The following FGF13 variants were observed in gnomAD, a reference collection of about 807,000 sequenced individuals.
FGF13 encodes fibroblast growth factor homologous factor 2.
A neutral mutation model predicts 19.5 loss-of-function variants in FGF13; 2 were observed. The ratio of observed to expected loss-of-function variants is 0.10; its 90% CI spans 0.04 to 0.32. FGF13 has a LOEUF of 0.32. Ranked by LOEUF, FGF13 falls within the 10% of genes least tolerant of loss-of-function variation. The probability of loss-of-function intolerance (pLI) is 1.00; values close to 1 mark genes in which losing one functional copy is unlikely to be tolerated. For missense variants in FGF13, 113 were observed against 192.7 expected (o/e 0.59, Z 2.45); for synonymous variants, 72 against 76.9 (o/e 0.94, Z 0.33).
intron 1 of FGF13, among the ~76,000 whole-genome samples, chrX:139,197,850 G>A (rs1037239632): frequency 8.3e-5 from 9 of 108,608 alleles, no homozygotes; most frequent in East Asian, 2.9e-4. Context: ...AAAATTGGCC[G>A]GGCGGTGGTG....
At chrX:138,828,836 T>A (rs182760687) in intron 3 of FGF13, among the ~76,000 whole-genome samples, 1 of 110,578 alleles carries the variant, frequency 9.0e-6, no homozygotes, top group Non-Finnish European at 1.9e-5. Context: ...TTCAGAAACA[T>A]GTATTGGGCA....
chrX:138,635,132 G>A (rs1426869401), intron 4 of FGF13, among the ~76,000 whole-genome samples: 1 of 112,189 alleles, frequency 8.9e-6, no homozygotes, highest in Non-Finnish European at 1.9e-5. Flanking sequence ...TCGAAGTGAG[G>A]TAACTCAGGA....
At chrX:138,635,349 T>C in intron 4 of FGF13, 108 bp downstream of exon 4, 1 of 764,810 alleles carries the variant, frequency 1.3e-6, no homozygotes, top group Non-Finnish European at 1.9e-6. Context: ...ACTAAATAGC[T>C]TGTCTATGTA....
At chrX:138,696,796 C>T (rs769557453) in intron 3 of FGF13, among the ~76,000 whole-genome samples, 96 of 112,022 alleles carry the variant, frequency 8.6e-4, no homozygotes, top group African/African-American at 3.1e-3. Flanking sequence ...GTAGCAAATG[C>T]TGCATCTTGG....
intron 3 of FGF13, among the ~76,000 whole-genome samples, chrX:138,768,897 G>A (rs1325716595): frequency 1.8e-5 from 2 of 108,736 alleles, no homozygotes; most frequent in Admixed American, 2.0e-4. Flanking sequence ...GAGCCTCTGA[G>A]GGAAGAGTGG....
chrX:138,697,246 T>A (rs1364764529), intron 3 of FGF13, among the ~76,000 whole-genome samples: 3 of 111,655 alleles, frequency 2.7e-5, no homozygotes, highest in Non-Finnish European at 5.6e-5. Flanking sequence ...AAGGAGATTG[T>A]ATTATGAGAT....
At chrX:138,908,657 T>C (rs996467156) in intron 1 of FGF13, among the ~76,000 whole-genome samples, 3 of 111,431 alleles carry the variant, frequency 2.7e-5, no homozygotes, top group African/African-American at 9.8e-5. Context: ...AGCTGAGACA[T>C]TACTACTTCT....
intron 1 of FGF13, among the ~76,000 whole-genome samples, chrX:139,111,191 T>A (rs1451598218): frequency 8.9e-6 from 1 of 111,997 alleles, no homozygotes; most frequent in Non-Finnish European, 1.9e-5. Flanking sequence ...AGATCAGGTA[T>A]ATGCAGCATA....
chrX:139,028,665 A>AGTGTGTG (rs2092212753), intron 1 of FGF13, among the ~76,000 whole-genome samples: 2 of 26,028 alleles, frequency 7.7e-5, no homozygotes, highest in African/African-American at 2.5e-4. Context: ...GAGAGAGAGA[A>AGTGTGTG]AGAGAGAGTG....
intron 1 of FGF13, among the ~76,000 whole-genome samples, chrX:139,166,069 G>A (rs2084082009): frequency 9.0e-6 from 1 of 111,521 alleles, no homozygotes; most frequent in Admixed American, 9.5e-5. Context: ...CTGTTGGAAG[G>A]GCATGATTGT....
intron 1 of FGF13, among the ~76,000 whole-genome samples, chrX:138,902,361 G>C (rs2091535673): frequency 8.9e-6 from 1 of 111,848 alleles, no homozygotes; most frequent in South Asian, 3.7e-4. Flanking sequence ...TGAAAACAAA[G>C]TGAGGGTATA....
At chrX:138,776,490 G>A (rs1474246907) in intron 3 of FGF13, among the ~76,000 whole-genome samples, 1 of 111,803 alleles carries the variant, frequency 8.9e-6, no homozygotes, top group African/African-American at 3.3e-5. Context: ...TTTCCATTTT[G>A]TGGGAAACTG....
intron 3 of FGF13, among the ~76,000 whole-genome samples, chrX:138,746,081 A>G (rs904777030): frequency 1.3e-4 from 15 of 112,047 alleles, no homozygotes; most frequent in African/African-American, 4.9e-4. Flanking sequence ...GTTGTTTGGC[A>G]TGTCCACAGA....
chrX:138,760,459 G>C (rs374499747), intron 3 of FGF13, among the ~76,000 whole-genome samples: 1 of 111,926 alleles, frequency 8.9e-6, no homozygotes, highest in African/African-American at 3.2e-5. Flanking sequence ...AGCCTGCCTC[G>C]GTGTTAGCCC....
intron 2 of FGF13, among the ~76,000 whole-genome samples, chrX:138,705,695 C>T (rs1431626058): frequency 9.0e-6 from 1 of 111,481 alleles, no homozygotes; most frequent in Non-Finnish European, 1.9e-5. Flanking sequence ...GACAGTCTGC[C>T]CAGATAAAAA....
intron 3 of FGF13, among the ~76,000 whole-genome samples, chrX:138,688,130 T>A (rs1163429805): frequency 9.2e-6 from 1 of 108,341 alleles, no homozygotes; most frequent in Non-Finnish European, 1.9e-5. Flanking sequence ...TAATTTTTTG[T>A]ATTTTTTTTT....
intron 1 of FGF13, among the ~76,000 whole-genome samples, chrX:139,054,273 C>A (rs2092313107): frequency 9.2e-6 from 1 of 108,838 alleles, no homozygotes; most frequent in East Asian, 2.9e-4. Context: ...CAGGCACCCA[C>A]CACCATGCCC....
At chrX:138,745,140 T>C (rs961224343) in intron 3 of FGF13, among the ~76,000 whole-genome samples, 1 of 112,120 alleles carries the variant, frequency 8.9e-6, no homozygotes, top group Non-Finnish European at 1.9e-5. Flanking sequence ...TCTGACATCA[T>C]ACTACATAAC....
intron 1 of FGF13, among the ~76,000 whole-genome samples, chrX:138,724,048 A>G (rs754512513): frequency 5.4e-5 from 6 of 111,779 alleles, no homozygotes; most frequent in Admixed American, 2.8e-4. Flanking sequence ...GGACCACCCA[A>G]TCGTGTCCGA....
Sources: gnomAD v4.1 joint callset for allele counts (sites outside exome capture counted in the v4.1 genomes callset) on GRCh38, gnomAD v4.1.1 for gene constraint, MANE v1.5 for transcripts, NCBI Gene and HGNC (gene_info 2026-07-23, HGNC 2026-07-21) for gene names.